The following XYLT1 variants were observed in gnomAD, a reference collection of about 807,000 sequenced individuals.
XYLT1 encodes the protein beta-D-xylosyltransferase 1.
Under a neutral mutation model 91.3 loss-of-function variants are expected in XYLT1, and 36 were observed. The observed-to-expected ratio is 0.39, with a 90% CI of 0.30 to 0.52. The LOEUF (loss-of-function observed/expected upper bound fraction) is 0.52. Among genes scored for constraint, XYLT1 ranks in the 20% least tolerant of loss-of-function variants. XYLT1 has a pLI of 0.68. For synonymous variants in XYLT1, 588 were observed against 532.0 expected, an observed-to-expected ratio of 1.11 and a Z score of -1.45; for missense variants, 1,242 against 1,284.5, an observed-to-expected ratio of 0.97 and a Z score of 0.51.
At chr16:17,261,036 C>T (rs1002511131) in intron 2 of XYLT1, among the ~76,000 whole-genome samples, 2 of 152,044 alleles carry the variant, frequency 1.3e-5, no homozygotes, top group Non-Finnish European at 2.9e-5. Context: ...GAGTTTGAGA[C>T]CAGCCTGGTC....
chr16:17,223,631 A>T (rs1308155403), intron 3 of XYLT1, among the ~76,000 whole-genome samples: 2 of 152,218 alleles, frequency 1.3e-5, no homozygotes, highest in African/African-American at 4.8e-5. Context: ...GAGATAGTGG[A>T]GTCAGATGGA....
chr16:17,187,570 A>AAAG (rs1301156802), intron 5 of XYLT1, among the ~76,000 whole-genome samples: 1 of 149,286 alleles, frequency 6.7e-6, no homozygotes, highest in African/African-American at 2.5e-5. Flanking sequence ...CTGTCTCAAA[A>AAAG]AAAAAAAAAA....
At position 17,470,765 on chromosome 16, in the gene XYLT1, G is replaced by T; in HGVS notation, c.32C>A (p.Ala11Asp). The T allele has an allele frequency of 9.3e-7, 1 of 1,072,468 alleles. No individual in the cohort carries two copies. The highest frequency in any genetic ancestry group is 1.1e-6 in the Non-Finnish European group (1 of 880,204). 66.4% of individuals were successfully genotyped at this position (1,072,468 alleles called of 1,614,324 possible). A position where few individuals can be genotyped will look rare whatever the true frequency, so the allele number is the denominator to read the frequency against. ...GAGCAGCGCCGAGTGCGAGCGCCGG[G>T]CCAGCCTCCGGGCGCACGGCGCCGC... MVAAPCARRL[A>D]RRSHSALLAA... Residue 11 changes from alanine (A) to aspartate (D), a missense_variant, in exon 1 of 12, where the codon GCC becomes GAC. Physicochemically the swap from Ala to Asp is moderately radical, Grantham distance 126. Around this residue, in one of 3 missense-constraint regions of XYLT1, gnomAD observed 437 missense variants for 411.5 expected, o/e 1.06. Coordinates refer to ENST00000261381, the MANE Select transcript of XYLT1 (RefSeq NM_022166.4).
At position 17,245,177 on chromosome 16, in the gene XYLT1, G is replaced by A. The variant is rs2033417014; in HGVS notation, c.913+13811C>T. Among the ~76,000 whole-genome samples the A allele has an allele frequency of 2.0e-5, 3 of 152,228 alleles. No individual in the cohort carries two copies. In the South Asian group the frequency reaches 6.2e-4, roughly 32 times the overall value. ...TTCAGTATTTTAAAATAATGAGAAT[G>A]TATACAGCCTTGACTTGAGGAATTA... On this transcript the variant is annotated intron_variant, in intron 3 of 11. Coordinates refer to ENST00000261381, the MANE Select transcript of XYLT1 (RefSeq NM_022166.4).
chr16:17,460,001 G>A lies in XYLT1; in HGVS notation c.363+10433C>T, dbSNP rs116593355. ...GAGCCCCGTCTTCCATTCACATGGG[G>A]CTTTCTGAGCTTCAAAGCACTTTCT... On this transcript the variant is annotated intron_variant, in intron 1 of 11. Coordinates refer to ENST00000261381, the MANE Select transcript of XYLT1 (RefSeq NM_022166.4). Among the ~76,000 whole-genome samples, 546 of 152,292 alleles carry A rather than the reference G, an allele frequency of 3.6e-3. 2 individuals are homozygous for A. Among genetic ancestry groups the A allele is most frequent in the African/African-American group, 0.012 (510 of 41,548 alleles).
At chr16:17,376,097 G>A (rs113766003) in intron 1 of XYLT1, among the ~76,000 whole-genome samples, 6,126 of 152,348 alleles carry the variant, frequency 0.04, 373 homozygotes, top group African/African-American at 0.14. Context: ...CTAGGGCTTA[G>A]AGGGGCCCAT....
intron 2 of XYLT1, among the ~76,000 whole-genome samples, chr16:17,302,823 G>A (rs958262615): frequency 2.0e-5 from 3 of 150,818 alleles, no homozygotes; most frequent in South Asian, 2.1e-4. Flanking sequence ...GCACAATAAC[G>A]GGTTACTCAA....
chr16:17,134,667 C>T lies in XYLT1; in HGVS notation c.1833G>A (p.Gln611=), dbSNP rs779297732. The T allele has an allele frequency of 1.9e-6, 3 of 1,614,216 alleles. No homozygotes were observed. The South Asian group carries it at 3.3e-5, about 18-fold the overall frequency. The change falls in exon 9 of 12, where the codon CAG becomes CAA. Residue 611 remains glutamine, a synonymous_variant. Transcript: ENST00000261381. ...AGTTCCCGTACAGGTAATAGTCCAGCTGCCCAATGATTTCCTGATTCACCA... is the reference window on the plus strand; with the variant it reads ...AGTTCCCGTACAGGTAATAGTCCAGTTGCCCAATGATTTCCTGATTCACCA... The part of the protein sequence containing the change: ...EAVVNQEIIG[Q]LDYYLYGNYP...
At chr16:17,155,301 A>G (rs1257433964) in intron 6 of XYLT1, among the ~76,000 whole-genome samples, 3 of 152,208 alleles carry the variant, frequency 2.0e-5, no homozygotes, top group African/African-American at 7.2e-5. Flanking sequence ...ATCCCCACCC[A>G]GTGCCAGAAA....
At chr16:17,361,909 G>A (rs1334052936) in intron 1 of XYLT1, among the ~76,000 whole-genome samples, 1 of 152,122 alleles carries the variant, frequency 6.6e-6, no homozygotes, top group African/African-American at 2.4e-5. Context: ...CCAGGCACTG[G>A]GCTTAACTTC....
chr16:17,168,056 C>T (rs1309178039), intron 5 of XYLT1, among the ~76,000 whole-genome samples: 2 of 152,296 alleles, frequency 1.3e-5, no homozygotes, highest in Admixed American at 6.5e-5. Context: ...AGGCCAAGTT[C>T]GGGACTTGCT....
intron 2 of XYLT1, among the ~76,000 whole-genome samples, chr16:17,279,161 C>G (rs762934290): frequency 6.6e-6 from 1 of 152,148 alleles, no homozygotes; most frequent in African/African-American, 2.4e-5. Context: ...AGAGGCAGCG[C>G]GGCTCTGTGA....
intron 10 of XYLT1, among the ~76,000 whole-genome samples, chr16:17,118,672 C>T (rs1266318936): frequency 5.3e-5 from 8 of 152,130 alleles, no homozygotes; most frequent in Admixed American, 1.3e-4. Flanking sequence ...TCCCTCCTTC[C>T]ACTTGTGCCA....
chr16:17,443,531 T>C (rs139530909), intron 1 of XYLT1, among the ~76,000 whole-genome samples: 48 of 152,320 alleles, frequency 3.2e-4, no homozygotes, highest in African/African-American at 1.1e-3. Flanking sequence ...CCTTCCACCA[T>C]GATTGTAAGT....
At position 17,223,158 on chromosome 16, in the gene XYLT1, A is replaced by G. The variant is rs147503301; in HGVS notation, c.914-22504T>C. Among the ~76,000 whole-genome samples the G allele has an allele frequency of 2.4e-3, 368 of 152,248 alleles. 2 individuals carry two copies. The highest frequency in any genetic ancestry group is 8.5e-3 in the African/African-American group (355 of 41,556). ...CCTGTCAGCCAGTAACAACTAAATT[A>G]CTAACCTTGCCTCCCGCTGTGCCCC... On this transcript the variant is annotated intron_variant, in intron 3 of 11. Coordinates refer to ENST00000261381, the MANE Select transcript of XYLT1 (RefSeq NM_022166.4).
chr16:17,221,724 G>C (rs2032971479), intron 3 of XYLT1, among the ~76,000 whole-genome samples: 1 of 152,178 alleles, frequency 6.6e-6, no homozygotes, highest in African/African-American at 2.4e-5. Context: ...GGGCAACAGA[G>C]TGAGACCTTG....
intron 1 of XYLT1, among the ~76,000 whole-genome samples, chr16:17,375,170 A>G (rs2035582766): frequency 6.6e-6 from 1 of 152,210 alleles, no homozygotes; most frequent in Non-Finnish European, 1.5e-5. Context: ...TTCAAATCCT[A>G]TAATAACATT....
At chr16:17,469,408 G>A (rs1214330262) in intron 1 of XYLT1, among the ~76,000 whole-genome samples, 1 of 152,214 alleles carries the variant, frequency 6.6e-6, no homozygotes, top group Non-Finnish European at 1.5e-5. Context: ...TCACGCCCCT[G>A]GAGAACTGAG....
At chr16:17,228,637 GTGATTGGAGAAGGCTTC>G (rs1435482104) in intron 3 of XYLT1, among the ~76,000 whole-genome samples, 8 of 152,176 alleles carry the variant, frequency 5.3e-5, no homozygotes, top group Admixed American at 1.3e-4. Flanking sequence ...GTGGAGGCTT[GTGATTGGAGAAGGCTTC>G]TGATTGGAGG....
Sources: allele counts gnomAD v4.1 joint callset (sites outside exome capture counted in the v4.1 genomes callset), GRCh38; gene constraint gnomAD v4.1.1; regional missense constraint gnomAD v4.1.1; transcripts MANE v1.5; gene names NCBI Gene and HGNC (gene_info 2026-07-23, HGNC 2026-07-21).